The following TRPV4 variants were observed in gnomAD, a reference collection of about 807,000 sequenced individuals.
TRPV4 encodes transient receptor potential cation channel subfamily V member 4, also known as OSM9-like transient receptor potential channel 4.
In TRPV4, 58 loss-of-function variants were observed where a neutral mutation model predicts 84.1. The ratio of observed to expected loss-of-function variants is 0.69; its 90% CI spans 0.56 to 0.86. TRPV4 has a LOEUF of 0.86. Ranked by LOEUF, TRPV4 falls within the 40% of genes least tolerant of loss-of-function variation. The pLI, the probability that TRPV4 is intolerant of heterozygous loss-of-function variation, is 0.00. For missense variants in TRPV4, 879 were observed against 1,181.1 expected, an observed-to-expected ratio of 0.74 and a Z score of 3.75; for synonymous variants, 489 against 500.9, an observed-to-expected ratio of 0.98 and a Z score of 0.32.
In TRPV4 at chr12:109,783,685, G is replaced by A. The variant is rs1889484880; in HGVS notation, c.2552C>T (p.Pro851Leu). ...ACCCTGCTGGTGGCCATCGCAGCGG[G>A]GGTTCCCCATGCTGTCCAGAGGCAC... ...VVVPLDSMGN[P>L]RCDGHQQGYP... is the part of the protein sequence containing the mutation. Residue 851 changes from proline (P) to leucine (L), a missense_variant, in exon 16 of 16, where the codon CCC becomes CTC. Pro to Leu is a moderately conservative substitution (Grantham distance 98). Around this residue, in one of 4 missense-constraint regions of TRPV4, gnomAD observed 242 missense variants for 355.3 expected, o/e 0.68. Coordinates refer to ENST00000261740, the MANE Select transcript of TRPV4 (RefSeq NM_021625.5). The surrounding 1 kb of genome is among the most constrained non-coding windows in gnomAD (Gnocchi z 4.6). 1.2e-6 allele frequency: 2 copies of A among 1,613,728 alleles called. No individual in the cohort carries two copies. Among genetic ancestry groups the A allele is most frequent in the Admixed American group, 1.7e-5 (1 of 59,992 alleles).
Position 109,814,821 on chromosome 12 carries a change from GC to G in TRPV4, c.-26del. On this transcript the variant is annotated 5_prime_UTR_variant, in exon 2 of 16. Coordinates refer to ENST00000261740, the MANE Select transcript of TRPV4 (RefSeq NM_021625.5). The surrounding 1 kb of genome is among the most constrained non-coding windows in gnomAD (Gnocchi z 5.4). ...TGCCTGCCCCAGGCCCGTCTGCACTGCTCAGCCTGCAAGGGAATGAAAGGGG... is the reference window on the plus strand; with the variant it reads ...TGCCTGCCCCAGGCCCGTCTGCACTGTCAGCCTGCAAGGGAATGAAAGGGG... 6.5e-7 allele frequency: 1 copy of G among 1,535,818 alleles called. No homozygotes were observed. The highest frequency in any genetic ancestry group is 8.7e-7 in the Non-Finnish European group (1 of 1,146,684).
At position 109,796,290 on chromosome 12, in the gene TRPV4, A is replaced by T. The variant is rs1354176463; in HGVS notation, c.1332+235T>A. ...TGTAAGTTACAGAGCCAGGATCCCA[A>T]CCCAGTCCTACCTGCCCCAAAAGTC... On this transcript the variant is annotated intron_variant, in intron 7 of 15. Coordinates refer to ENST00000261740, the MANE Select transcript of TRPV4 (RefSeq NM_021625.5). This position sits in a 1 kb window ranked among gnomAD's most constrained non-coding sequence, Gnocchi z 4.2. 6.6e-6 allele frequency among the ~76,000 whole-genome samples: 1 copy of T among 152,162 alleles called. No homozygotes were observed. The highest frequency in any genetic ancestry group is 6.5e-5 in the Admixed American group (1 of 15,274).
intron 1 of TRPV4, among the ~76,000 whole-genome samples, chr12:109,823,154 G>C (rs928511876): frequency 1.3e-5 from 2 of 152,182 alleles, no homozygotes; most frequent in African/African-American, 2.4e-5. Flanking sequence ...GCAGCAGTAG[G>C]GGGGCATCAT....
chr12:109,792,284 A>G (rs1383050642), intron 12 of TRPV4, 79 bp downstream of exon 12: 2 of 996,844 alleles, frequency 2.0e-6, no homozygotes, highest in African/African-American at 1.6e-5. Flanking sequence ...CAAGGCTGCT[A>G]TTGTCCCCTA....
intron 6 of TRPV4, among the ~76,000 whole-genome samples, chr12:109,797,858 C>A (rs532347535): frequency 6.6e-6 from 1 of 152,170 alleles, no homozygotes; most frequent in Non-Finnish European, 1.5e-5. Context: ...ATGTGGATCA[C>A]CGCATTTGTC....
intron 1 of TRPV4, among the ~76,000 whole-genome samples, chr12:109,831,229 G>A (rs1003951870): frequency 2.6e-5 from 4 of 152,198 alleles, no homozygotes; most frequent in Non-Finnish European, 5.9e-5. Context: ...CTCTGCTAGT[G>A]CCATTCTCTT....
rs1889541563 is a variant in TRPV4 at position 109,784,309 on chromosome 12, C to T, written c.2458+7G>A. On this transcript the variant is annotated splice_region_variant and intron_variant, in intron 15 of 15. Transcript: ENST00000261740. ...GGGCTCCCCTCCGCACCCGCCCCTC[C>T]ACTCACCCCTGCGGAGGCGGCCCAC... The T allele has an allele frequency of 6.2e-7, 1 of 1,614,148 alleles. No homozygotes were observed. The highest frequency in any genetic ancestry group is 1.3e-5 in the African/African-American group (1 of 75,046).
At chr12:109,806,369 T>C (rs201621879) in intron 3 of TRPV4, among the ~76,000 whole-genome samples, 1 of 149,458 alleles carries the variant, frequency 6.7e-6, no homozygotes. Flanking sequence ...TTTTTTTTTT[T>C]TTTTTTTGTA....
intron 7 of TRPV4, among the ~76,000 whole-genome samples, chr12:109,795,149 T>C (rs948783730): frequency 6.6e-6 from 1 of 152,212 alleles, no homozygotes; most frequent in African/African-American, 2.4e-5. Context: ...TCTCAGAAAT[T>C]CTGATTCAGA....
chr12:109,792,698 G>T lies in TRPV4; in HGVS notation c.1778C>A (p.Thr593Asn). The change falls in exon 11 of 16, where the codon ACC (threonine) becomes AAC (asparagine). Residue 593 changes from threonine (T) to asparagine (N), a missense_variant. Transcript: ENST00000261740. ...VLGWMNALYF[T>N]RGLKLTGTYS... is the part of the protein sequence containing the mutation. ...GGTCCCCGTCAGCTTCAGCCCACGG[G>T]TGAAGTAAAGGGCATTCATCCAGCC... The T allele has an allele frequency of 1.2e-6, 2 of 1,614,170 alleles. No individual in the cohort carries two copies. Among genetic ancestry groups the T allele is most frequent in the Non-Finnish European group, 1.7e-6 (2 of 1,180,044 alleles).
At chr12:109,829,256 G>A (rs1892348614) in intron 1 of TRPV4, among the ~76,000 whole-genome samples, 1 of 152,130 alleles carries the variant, frequency 6.6e-6, no homozygotes, top group Admixed American at 6.5e-5. Flanking sequence ...GCTGAAGACT[G>A]TCCACAACCT....
Position 109,814,789 on chromosome 12 carries a change from T to C in TRPV4, c.8A>G (p.Asp3Gly), listed in dbSNP as rs773100579. ...CCCCGCGCGGGGGCCTTCGCTGGAA[T>C]CCGCCATGCCTGCCCCAGGCCCGTC... MA[D>G]SSEGPRAGPG... Residue 3 changes from aspartate (D) to glycine (G), a missense_variant, in exon 2 of 16, where the codon GAT becomes GGT. By Grantham distance (94) the Asp-to-Gly change is moderately conservative. Around this residue, in one of 4 missense-constraint regions of TRPV4, gnomAD observed 107 missense variants for 99.4 expected, o/e 1.08. Transcript: ENST00000261740. The surrounding 1 kb of genome is among the most constrained non-coding windows in gnomAD (Gnocchi z 5.4). 3 of 1,542,012 alleles carry C rather than the reference T, an allele frequency of 1.9e-6. No homozygotes were observed. In the Admixed American group the frequency reaches 5.9e-5, roughly 30 times the overall value.
rs1331783373 is a variant in TRPV4 at position 109,786,702 on chromosome 12, A to G, written c.2336+8T>C. The G allele has an allele frequency of 3.1e-6, 5 of 1,613,478 alleles. No homozygotes were observed. The Admixed American group carries it at 8.3e-5, about 27-fold the overall frequency. ...CCTGCCATCCTGGCCCCACTGCCCC[A>G]GCCTCACCTGAAGCACCACCTGCGG... On this transcript the variant is annotated splice_region_variant and intron_variant, in intron 14 of 15. Coordinates refer to ENST00000261740, the MANE Select transcript of TRPV4 (RefSeq NM_021625.5). This position sits in a 1 kb window ranked among gnomAD's most constrained non-coding sequence, Gnocchi z 4.5.
Position 109,783,274 on chromosome 12 carries a change from G to A in TRPV4, c.*347C>T, listed in dbSNP as rs1592811386. On this transcript the variant is annotated 3_prime_UTR_variant, in exon 16 of 16. Transcript: ENST00000261740. The surrounding 1 kb of genome is among the most constrained non-coding windows in gnomAD (Gnocchi z 4.6). ...CTTGGCCGGGCAGTGCACTTGGAAC[G>A]GGGTCCTAAGGCCTCTGCCAGGTTC... The A allele has an allele frequency of 1.6e-5, 4 of 257,682 alleles. No homozygotes were observed. Among genetic ancestry groups the A allele is most frequent in the South Asian group, 1.7e-4 (2 of 11,530 alleles). The allele number at this position is 257,682 out of a possible 1,614,324, so 16.0% of individuals were successfully genotyped here.
chr12:109,829,711 G>A (rs1158969472), intron 1 of TRPV4, among the ~76,000 whole-genome samples: 1 of 152,250 alleles, frequency 6.6e-6, no homozygotes, highest in Non-Finnish European at 1.5e-5. Flanking sequence ...CTTTGACACA[G>A]GAGGAAATGG....
At chr12:109,824,087 T>G (rs1485060453) in intron 1 of TRPV4, among the ~76,000 whole-genome samples, 1 of 151,992 alleles carries the variant, frequency 6.6e-6, no homozygotes, top group Non-Finnish European at 1.5e-5. Context: ...TGCCTCAGCC[T>G]CCCAAGTAGC....
intron 3 of TRPV4, among the ~76,000 whole-genome samples, chr12:109,807,717 T>C (rs1235433159): frequency 1.3e-5 from 2 of 152,176 alleles, no homozygotes; most frequent in Non-Finnish European, 2.9e-5. Context: ...GTTTTGAATC[T>C]GGACAAGGCT....
chr12:109,785,399 T>C (rs1878627681), intron 14 of TRPV4, among the ~76,000 whole-genome samples: 1 of 151,930 alleles, frequency 6.6e-6, no homozygotes, highest in Non-Finnish European at 1.5e-5. Context: ...TTATCTTTAA[T>C]TTTTTATCCT....
Position 109,783,923 on chromosome 12 carries a change from G to C in TRPV4, c.2459-145C>G. On this transcript the variant is annotated intron_variant, in intron 15 of 15. Transcript: ENST00000261740. This position sits in a 1 kb window ranked among gnomAD's most constrained non-coding sequence, Gnocchi z 4.6. ...CTCATTTTACAGAGGTGGAAACTGGGGCTCAAGAGAGGTCAAGGTGCCTCC... is the reference window on the plus strand; with the variant it reads ...CTCATTTTACAGAGGTGGAAACTGGCGCTCAAGAGAGGTCAAGGTGCCTCC... 1 of 1,051,134 alleles carries C rather than the reference G, an allele frequency of 9.5e-7. No individual in the cohort carries two copies. Among genetic ancestry groups the C allele is most frequent in the Non-Finnish European group, 1.4e-6 (1 of 730,542 alleles). The allele number at this position is 1,051,134 out of a possible 1,614,324, so 65.1% of individuals were successfully genotyped here. A position where few individuals can be genotyped will look rare whatever the true frequency, so the allele number is the denominator to read the frequency against.
Sources: gnomAD v4.1 joint callset for allele counts (sites outside exome capture counted in the v4.1 genomes callset) on GRCh38, gnomAD v4.1.1 for gene constraint, gnomAD v4.1.1 regional missense constraint, Gnocchi (gnomAD v3.1) non-coding constraint, MANE v1.5 for transcripts, NCBI Gene and HGNC (gene_info 2026-07-23, HGNC 2026-07-21) for gene names.